The following SPAM1 variants were observed in gnomAD, a reference collection of about 807,000 sequenced individuals.
The protein encoded by SPAM1 is hyaluronidase PH-20.
A neutral mutation model predicts 29.6 loss-of-function variants in SPAM1; 22 were observed. The observed-to-expected ratio is 0.74, with a 90% CI of 0.53 to 1.06. SPAM1 has a LOEUF of 1.06. SPAM1 is among the 50% of genes least tolerant of loss of function. SPAM1 has a pLI of 0.00. For synonymous variants in SPAM1, 194 were observed against 204.6 expected (o/e 0.95, Z 0.44); for missense variants, 534 against 604.0 (o/e 0.88, Z 1.21).
intron 4 of SPAM1, among the ~76,000 whole-genome samples, chr7:123,955,391 G>A (rs1792226917): frequency 6.6e-6 from 1 of 152,160 alleles, no homozygotes; most frequent in African/African-American, 2.4e-5. Context: ...TGTGTCAGAA[G>A]ATAGGTCCTT....
chr7:123,969,992 T>C (rs1347696523), intron 5 of SPAM1, among the ~76,000 whole-genome samples: 1 of 151,998 alleles, frequency 6.6e-6, no homozygotes, highest in Non-Finnish European at 1.5e-5. Flanking sequence ...AGAGTGGTGG[T>C]CGTAGGAATT....
intron 1 of SPAM1, among the ~76,000 whole-genome samples, chr7:123,947,071 A>G (rs1808598536): frequency 6.6e-6 from 1 of 152,178 alleles, no homozygotes; most frequent in Non-Finnish European, 1.5e-5. Context: ...GTATTTTTCT[A>G]TCATAAAAAA....
chr7:123,970,238 G>C (rs1229017514), exon 6 of SPAM1: 1 of 1,549,000 alleles, frequency 6.5e-7, no homozygotes, highest in Non-Finnish European at 8.7e-7. Flanking sequence ...AGCAGAATTG[G>C]TTTCTTCTGA....
At chr7:123,941,707 G>T (rs1255967550) in intron 1 of SPAM1, among the ~76,000 whole-genome samples, 1 of 152,180 alleles carries the variant, frequency 6.6e-6, no homozygotes, top group Admixed American at 6.5e-5. Context: ...GCCTGACATA[G>T]TTCCCAGGTT....
At chr7:123,957,549 T>C (rs1792275239) in intron 4 of SPAM1, among the ~76,000 whole-genome samples, 1 of 151,980 alleles carries the variant, frequency 6.6e-6, no homozygotes, top group Non-Finnish European at 1.5e-5. Context: ...AGATGGATGG[T>C]GTATTAGTTT....
intron 1 of SPAM1, among the ~76,000 whole-genome samples, chr7:123,927,632 T>C (rs573802126): frequency 6.6e-6 from 1 of 152,274 alleles, no homozygotes; most frequent in African/African-American, 2.4e-5. Context: ...TGTTTAGATA[T>C]GAAGGATTTA....
downstream of SPAM1, among the ~76,000 whole-genome samples, chr7:123,964,468 AAAT>A (rs199934838): frequency 5.4e-3 from 815 of 152,066 alleles, 3 homozygotes; most frequent in Middle Eastern, 0.017. Context: ...ATATCATTAT[AAAT>A]AATTTTATTT....
chr7:123,955,121 T>C, intron 4 of SPAM1, 35 bp downstream of exon 4: 1 of 1,384,422 alleles, frequency 7.2e-7, no homozygotes, highest in Non-Finnish European at 1.0e-6. Flanking sequence ...GTGAAAATAT[T>C]TCTATGTTTA....
intron 1 of SPAM1, among the ~76,000 whole-genome samples, chr7:123,949,337 ACT>A (rs968542714): frequency 3.0e-4 from 46 of 152,276 alleles, no homozygotes; most frequent in African/African-American, 1.1e-3. Flanking sequence ...CATAATGGAC[ACT>A]CAGAAAATAC....
At chr7:123,960,166 T>C, downstream of SPAM1, 1 of 690,912 alleles carries the variant, frequency 1.4e-6, no homozygotes, top group Non-Finnish European at 2.2e-6. Flanking sequence ...AACCATGAGT[T>C]CAGGGATTTG....
At chr7:123,935,701 A>C (rs907671456) in intron 1 of SPAM1, among the ~76,000 whole-genome samples, 1 of 152,172 alleles carries the variant, frequency 6.6e-6, no homozygotes, top group Non-Finnish European at 1.5e-5. Context: ...TCAGCCTCCA[A>C]AGTTTTTGGG....
chr7:123,950,629 T>C (rs1464586325), intron 2 of SPAM1, among the ~76,000 whole-genome samples: 1 of 152,142 alleles, frequency 6.6e-6, no homozygotes, highest in Non-Finnish European at 1.5e-5. Flanking sequence ...TTCCATAGTG[T>C]ATATATACCA....
At chr7:123,945,528 C>T (rs1808550123) in intron 1 of SPAM1, among the ~76,000 whole-genome samples, 1 of 152,110 alleles carries the variant, frequency 6.6e-6, no homozygotes. Context: ...CCAAAGAGGT[C>T]AGGTTATGCA....
At chr7:123,952,645 C>G (rs1048035641) in intron 2 of SPAM1, among the ~76,000 whole-genome samples, 6 of 151,980 alleles carry the variant, frequency 3.9e-5, no homozygotes, top group Non-Finnish European at 8.8e-5. Flanking sequence ...TTATCAAATG[C>G]TATAAAAAGA....
At chr7:123,937,737 T>C (rs1808302213) in intron 1 of SPAM1, among the ~76,000 whole-genome samples, 1 of 152,172 alleles carries the variant, frequency 6.6e-6, no homozygotes, top group African/African-American at 2.4e-5. Flanking sequence ...ATAATTTGGA[T>C]CTTCCAGCTT....
intron 4 of SPAM1, among the ~76,000 whole-genome samples, chr7:123,955,471 A>G (rs555199810): frequency 3.6e-4 from 55 of 152,018 alleles, no homozygotes; most frequent in African/African-American, 1.3e-3. Context: ...TGTTGACTCA[A>G]TAGGAAAGCT....
chr7:123,944,522 A>G (rs1348750925), intron 1 of SPAM1, among the ~76,000 whole-genome samples: 1 of 152,208 alleles, frequency 6.6e-6, no homozygotes, highest in Non-Finnish European at 1.5e-5. Flanking sequence ...GGCAAAAGAA[A>G]AGAACTTCTG....
intron 5 of SPAM1, among the ~76,000 whole-genome samples, chr7:123,965,917 A>T (rs995237071): frequency 1.3e-5 from 2 of 152,058 alleles, no homozygotes; most frequent in African/African-American, 4.8e-5. Flanking sequence ...AACAATATTG[A>T]CAAGTGCGAT....
chr7:123,934,648 A>G (rs1808197249), intron 1 of SPAM1, among the ~76,000 whole-genome samples: 1 of 152,224 alleles, frequency 6.6e-6, no homozygotes, highest in Non-Finnish European at 1.5e-5. Context: ...CTAATGGAAT[A>G]CAATTCAGCC....
Sources: allele counts gnomAD v4.1 joint callset (sites outside exome capture counted in the v4.1 genomes callset), GRCh38; gene constraint gnomAD v4.1.1; transcripts MANE v1.5; gene names NCBI Gene and HGNC (gene_info 2026-07-23, HGNC 2026-07-21).